Variants in POMT1 observed in about 807,000 individuals in gnomAD.
POMT1 encodes protein O-mannosyl-transferase 1.
A neutral mutation model predicts 101.6 loss-of-function variants in POMT1; 85 were observed. That is an observed-to-expected ratio of 0.84 (90% CI 0.70 to 1.00). The LOEUF (loss-of-function observed/expected upper bound fraction) is 1.00. POMT1 is among the 50% of genes least tolerant of loss of function. The pLI, the probability that POMT1 is intolerant of heterozygous loss-of-function variation, is 0.00. For missense variants in POMT1, 857 were observed against 930.4 expected (o/e 0.92, Z 1.03); for synonymous variants, 371 against 383.0 (o/e 0.97, Z 0.37).
chr9:131,509,880 C>T (rs761789913), intron 7 of POMT1, 23 bp from the exon 8 acceptor site: 1 of 1,614,172 alleles, frequency 6.2e-7, no homozygotes, highest in Non-Finnish European at 8.5e-7. Flanking sequence ...CATGTTAACT[C>T]CATTTCTGTC....
At chr9:131,505,126 C>T (rs1351416300) in intron 2 of POMT1, among the ~76,000 whole-genome samples, 1 of 151,560 alleles carries the variant, frequency 6.6e-6, no homozygotes, top group Non-Finnish European at 1.5e-5. Context: ...CAAACATATA[C>T]AAAAGCAGGG....
At chr9:131,509,055 A>G (rs1375715204) in intron 6 of POMT1, 33 bp downstream of exon 6, 13 of 1,476,008 alleles carry the variant, frequency 8.8e-6, no homozygotes, top group Non-Finnish European at 1.2e-5. Flanking sequence ...CTAGTTAACG[A>G]GAACAGAGAT....
At chr9:131,509,872 T>C (rs1455511290) in intron 7 of POMT1, 31 bp from the exon 8 acceptor site, 1 of 1,614,226 alleles carries the variant, frequency 6.2e-7, no homozygotes. Flanking sequence ...TCCTGTCTCA[T>C]GTTAACTCCA....
intron 6 of POMT1, among the ~76,000 whole-genome samples, chr9:131,509,308 G>A (rs1338835309): frequency 6.6e-6 from 1 of 152,106 alleles, no homozygotes; most frequent in Non-Finnish European, 1.5e-5. Context: ...ACAGCACCAT[G>A]TCTGGCTAAT....
intron 5 of POMT1, among the ~76,000 whole-genome samples, chr9:131,507,885 T>C (rs572440023): frequency 1.3e-5 from 2 of 152,294 alleles, no homozygotes; most frequent in Non-Finnish European, 2.9e-5. Context: ...TGGATCCTCT[T>C]CAGAGAGGGT....
intron 6 of POMT1, among the ~76,000 whole-genome samples, chr9:131,509,332 G>A (rs1454807475): frequency 6.6e-6 from 1 of 152,112 alleles, no homozygotes; most frequent in Admixed American, 6.6e-5. Flanking sequence ...AGTATTTTTA[G>A]TGGAGACGGG....
rs771877812 is a variant in POMT1, at chr9:131,523,029, G to A, written c.2101G>A (p.Asp701Asn). ...CACGCTGCGCCCACTCACCTACGGGGACAAGTCACTCTCGCCACATGAACT... is the reference window on the plus strand; with the variant it reads ...CACGCTGCGCCCACTCACCTACGGGAACAAGTCACTCTCGCCACATGAACT... ...SNTLRPLTYG[D>N]KSLSPHELKA... is the part of the protein sequence containing the mutation. Residue 701 changes from aspartate to asparagine, a missense_variant, in exon 20 of 20, where the codon GAC (aspartate) becomes AAC (asparagine). Physicochemically the swap from Asp to Asn is conservative, Grantham distance 23. Transcript: ENST00000402686. The A allele has an allele frequency of 1.1e-5, 18 of 1,610,932 alleles. No individual in the cohort carries two copies. The highest frequency in any genetic ancestry group is 1.5e-5 in the Non-Finnish European group (18 of 1,179,808).
chr9:131,512,158 C>A, intron 11 of POMT1, 22 bp downstream of exon 11: 1 of 1,611,936 alleles, frequency 6.2e-7, no homozygotes, highest in Admixed American at 1.7e-5. Flanking sequence ...TCCTGTGACT[C>A]CAGAGCAGAG....
chr9:131,518,642 T>G, intron 14 of POMT1, 105 bp downstream of exon 14: 1 of 1,388,864 alleles, frequency 7.2e-7, no homozygotes, highest in Non-Finnish European at 1.0e-6. Context: ...ACGCTTCATT[T>G]GAGTCATCAT....
At chr9:131,510,555 G>C (rs1466501766) in intron 9 of POMT1, 140 bp downstream of exon 9, 5 of 1,190,680 alleles carry the variant, frequency 4.2e-6, no homozygotes, top group East Asian at 5.1e-5. Context: ...TTTTTTGGTG[G>C]GGGGGATGGA....
At chr9:131,517,832 G>A (rs148069464) in intron 13 of POMT1, among the ~76,000 whole-genome samples, 2,576 of 152,320 alleles carry the variant, frequency 0.017, 30 homozygotes, top group Non-Finnish European at 0.027. Context: ...GTGCGCGCCC[G>A]GCCTGCGGCA....
intron 12 of POMT1, among the ~76,000 whole-genome samples, chr9:131,514,717 A>G (rs1375313998): frequency 1.3e-5 from 2 of 152,166 alleles, no homozygotes; most frequent in Non-Finnish European, 2.9e-5. Flanking sequence ...GCACTTTGGG[A>G]GGCCAAGGTG....
Position 131,523,214 on chromosome 9 carries a change from C to A in POMT1, c.*108C>A, listed in dbSNP as rs1312792726. On this transcript the variant is annotated 3_prime_UTR_variant, in exon 20 of 20. Transcript: ENST00000402686. The stretch of plus-strand genomic sequence containing the variant: ...GGGCCCCACGCTGGGAGGACACGGG[C>A]TGGGCTGAGCAGGGCCTCTAGTGGA... 3 of 1,401,254 alleles carry A rather than the reference C, an allele frequency of 2.1e-6. No homozygotes were observed. Among genetic ancestry groups the A allele is most frequent in the Non-Finnish European group, 2.9e-6 (3 of 1,022,704 alleles). 86.8% of individuals were successfully genotyped at this position (1,401,254 alleles called of 1,614,324 possible). A position where few individuals can be genotyped will look rare whatever the true frequency, so the allele number is the denominator to read the frequency against.
At chr9:131,512,530 G>A (rs542309566) in intron 11 of POMT1, among the ~76,000 whole-genome samples, 6 of 152,216 alleles carry the variant, frequency 3.9e-5, no homozygotes, top group African/African-American at 1.4e-4. Context: ...TAGCTGTCCC[G>A]GTCACTGTCT....
intron 8 of POMT1, 95 bp from the exon 9 acceptor site, chr9:131,510,164 AG>A: frequency 6.2e-7 from 1 of 1,605,546 alleles, no homozygotes; most frequent in Non-Finnish European, 8.5e-7. Flanking sequence ...GGGAGGCCAG[AG>A]TTTCTGTCAC....
chr9:131,503,182 C>G lies in POMT1; in HGVS notation c.-31+109C>G, dbSNP rs978146051. The G allele has an allele frequency of 1.3e-5, 2 of 152,296 alleles. No homozygotes were observed. Among genetic ancestry groups the G allele is most frequent in the Non-Finnish European group, 2.9e-5 (2 of 68,110 alleles). 9.4% of individuals were successfully genotyped at this position (152,296 alleles called of 1,614,324 possible). ...GACGGGCTGGGGCCGGGGGCGTCCC[C>G]GTCTTTCCGGAGCTGGGGGCGGGGT... On this transcript the variant is annotated intron_variant, in intron 1 of 19. Transcript: ENST00000402686. The surrounding 1 kb of genome is among the most constrained non-coding windows in gnomAD (Gnocchi z 4.4).
At position 131,519,266 on chromosome 9, in the gene POMT1, GGTTC is replaced by G; in HGVS notation, c.1487-121_1487-118del. On this transcript the variant is annotated intron_variant, in intron 15 of 19. Coordinates refer to ENST00000402686, the MANE Select transcript of POMT1 (RefSeq NM_001077365.2). The surrounding 1 kb of genome is among the most constrained non-coding windows in gnomAD (Gnocchi z 4.3). ...TGGGGAAAGCTAAGTGGAATGATGCGGTTCGATAAGGGGTCTTTGTTAGAAAGGC... is the reference window on the plus strand; with the variant it reads ...TGGGGAAAGCTAAGTGGAATGATGCGGATAAGGGGTCTTTGTTAGAAAGGC... 1.0e-6 allele frequency: 1 copy of G among 1,000,942 alleles called. No homozygotes were observed. The allele number at this position is 1,000,942 out of a possible 1,614,324, so 62.0% of individuals were successfully genotyped here. A position where few individuals can be genotyped will look rare whatever the true frequency, so the allele number is the denominator to read the frequency against.
At chr9:131,510,581 C>A in intron 9 of POMT1, 166 bp downstream of exon 9, 1 of 953,820 alleles carries the variant, frequency 1.0e-6, no homozygotes, top group Non-Finnish European at 1.6e-6. Context: ...ACTCTGTCAC[C>A]CAAACTCCGC....
intron 12 of POMT1, among the ~76,000 whole-genome samples, chr9:131,514,775 GTGAAA>G: frequency 6.6e-6 from 1 of 152,204 alleles, no homozygotes; most frequent in South Asian, 2.1e-4. Flanking sequence ...GGCCAACATG[GTGAAA>G]CCCCGTCTCT....
Sources: gnomAD v4.1 joint callset for allele counts (sites outside exome capture counted in the v4.1 genomes callset) on GRCh38, gnomAD v4.1.1 for gene constraint, Gnocchi (gnomAD v3.1) non-coding constraint, MANE v1.5 for transcripts, NCBI Gene and HGNC (gene_info 2026-07-23, HGNC 2026-07-21) for gene names.